Variants in SETD3 observed in about 807,000 individuals in gnomAD.
The protein encoded by SETD3 is SET domain containing 3, actin N3(tau)-histidine methyltransferase.
In SETD3, 19 loss-of-function variants were observed where a neutral mutation model predicts 63.0. The ratio of observed to expected loss-of-function variants is 0.30; its 90% CI spans 0.21 to 0.44. The LOEUF (loss-of-function observed/expected upper bound fraction) is 0.44. SETD3 is among the 20% of genes least tolerant of loss of function. SETD3 has a pLI of 1.00. For missense variants in SETD3, 587 were observed against 728.5 expected (o/e 0.81, Z 2.24); for synonymous variants, 286 against 264.1 (o/e 1.08, Z -0.80).
intron 8 of SETD3, chr14:99,412,330 C>G (rs1892040658): frequency 6.5e-6 from 1 of 153,094 alleles, no homozygotes; most frequent in Non-Finnish European, 1.5e-5. Context: ...CCCAGGCTTC[C>G]CAGGTATGAT....
intron 6 of SETD3, among the ~76,000 whole-genome samples, chr14:99,445,714 C>T (rs958235845): frequency 6.6e-6 from 1 of 152,166 alleles, no homozygotes; most frequent in African/African-American, 2.4e-5. Flanking sequence ...GGAGTGTTCT[C>T]ATAAGGATAC....
At chr14:99,457,002 A>C (rs1894797855) in intron 6 of SETD3, among the ~76,000 whole-genome samples, 1 of 152,226 alleles carries the variant, frequency 6.6e-6, no homozygotes, top group Admixed American at 6.5e-5. Context: ...CAGCAAGAGA[A>C]AATGACAAAT....
chr14:99,416,933 G>C (rs1007521000), intron 6 of SETD3, among the ~76,000 whole-genome samples: 1 of 152,122 alleles, frequency 6.6e-6, no homozygotes, highest in Admixed American at 6.5e-5. Flanking sequence ...TCCATGTTGA[G>C]ACACAGTAAT....
At chr14:99,456,484 A>C (rs1439531384) in intron 6 of SETD3, among the ~76,000 whole-genome samples, 1 of 152,240 alleles carries the variant, frequency 6.6e-6, no homozygotes, top group Non-Finnish European at 1.5e-5. Context: ...ATTATAAATT[A>C]TACAAATTGT....
At chr14:99,426,848 C>G (rs1236056563) in intron 6 of SETD3, among the ~76,000 whole-genome samples, 1 of 152,162 alleles carries the variant, frequency 6.6e-6, no homozygotes, top group Non-Finnish European at 1.5e-5. Flanking sequence ...TCAGGATCAT[C>G]CCAGCCTCCA....
At chr14:99,400,021 G>T in intron 12 of SETD3, 78 bp downstream of exon 12, 2 of 1,341,618 alleles carry the variant, frequency 1.5e-6, no homozygotes, top group Non-Finnish European at 2.0e-6. Context: ...GATTACAGGC[G>T]TGAGCCACCG....
At position 99,480,835 on chromosome 14, in the gene SETD3, G is replaced by T. The variant is rs1475846884; in HGVS notation, c.-116C>A. 1.2e-5 allele frequency: 2 copies of T among 161,716 alleles called. No individual in the cohort carries two copies. The highest frequency in any genetic ancestry group is 1.8e-4 in the South Asian group (1 of 5,472). The allele number at this position is 161,716 out of a possible 1,614,324, so 10.0% of individuals were successfully genotyped here. On this transcript the variant is annotated 5_prime_UTR_variant, in exon 1 of 13. Transcript: ENST00000331768. ...GCGGCGGTGGCGGCGGCGGCGGCCG[G>T]ACGGGAGGGGCGGGACGGCAGCCTG...
chr14:99,413,999 G>T, intron 6 of SETD3, 65 bp from the exon 7 acceptor site: 1 of 1,452,790 alleles, frequency 6.9e-7, no homozygotes, highest in Non-Finnish European at 9.7e-7. Flanking sequence ...AAATCAGTCA[G>T]CAGAATTTCA....
intron 6 of SETD3, among the ~76,000 whole-genome samples, chr14:99,429,152 G>A (rs1184708228): frequency 6.6e-6 from 1 of 152,136 alleles, no homozygotes; most frequent in Non-Finnish European, 1.5e-5. Flanking sequence ...CCTGGGTGCT[G>A]CCTGTGCCTC....
rs1896268119 is a variant in SETD3, at chr14:99,480,802, A to AAGCGGTGGC, written c.-84_-83insGCCACCGCT. ...CCGCCGTCCGCCTCAACCAACCCCC[A>AAGCGGTGGC]GGCGGTGGCGGCGGTGGCGGCGGCG... On this transcript the variant is annotated 5_prime_UTR_variant, in exon 1 of 13. Coordinates refer to ENST00000331768, the MANE Select transcript of SETD3 (RefSeq NM_032233.3). The AAGCGGTGGC allele has an allele frequency of 6.2e-6, 1 of 161,824 alleles. No homozygotes were observed. The highest frequency in any genetic ancestry group is 2.4e-5 in the African/African-American group (1 of 41,238). 10.0% of individuals were successfully genotyped at this position (161,824 alleles called of 1,614,324 possible). A position where few individuals can be genotyped will look rare whatever the true frequency, so the allele number is the denominator to read the frequency against.
Position 99,431,806 on chromosome 14 carries a change from C to T in SETD3, c.676-17872G>A, listed in dbSNP as rs369929539. Among the ~76,000 whole-genome samples, 6 of 152,228 alleles carry T rather than the reference C, an allele frequency of 3.9e-5. No homozygotes were observed. The South Asian group carries it at 1.2e-3, about 32-fold the overall frequency. On this transcript the variant is annotated intron_variant, in intron 6 of 12. Coordinates refer to ENST00000331768, the MANE Select transcript of SETD3 (RefSeq NM_032233.3). Reference sequence around the variant, plus strand: ...TAAAACAAGACCCTAGCGTCTAAACCTAGAGCAACTGATCCCCTTGCCAGG... The same window carrying T: ...TAAAACAAGACCCTAGCGTCTAAACTTAGAGCAACTGATCCCCTTGCCAGG...
chr14:99,479,057 T>C (rs1896123412), intron 1 of SETD3, among the ~76,000 whole-genome samples: 1 of 152,190 alleles, frequency 6.6e-6, no homozygotes, highest in South Asian at 2.1e-4. Context: ...ACATAAGATG[T>C]TCTAATCTTC....
chr14:99,481,741 G>T (rs1476062845), upstream of SETD3: 10 of 364,050 alleles, frequency 2.7e-5, no homozygotes, highest in East Asian at 4.0e-4. Context: ...GCACTGGGGG[G>T]CAGTCAGAGT....
At chr14:99,436,115 A>G (rs2139704133) in intron 6 of SETD3, among the ~76,000 whole-genome samples, 1 of 152,200 alleles carries the variant, frequency 6.6e-6, no homozygotes, top group South Asian at 2.1e-4. Flanking sequence ...TCACTATCAC[A>G]AGAACAACAT....
intron 4 of SETD3, among the ~76,000 whole-genome samples, chr14:99,460,470 C>G (rs1389035096): frequency 6.6e-6 from 1 of 152,106 alleles, no homozygotes; most frequent in Non-Finnish European, 1.5e-5. Context: ...ATGTGGCCTG[C>G]CCCTGCAAAG....
intron 7 of SETD3, among the ~76,000 whole-genome samples, chr14:99,413,471 C>T (rs1459863007): frequency 6.6e-6 from 1 of 152,174 alleles, no homozygotes; most frequent in Non-Finnish European, 1.5e-5. Context: ...ATCAGAAATC[C>T]TCTGTGAATT....
At chr14:99,464,857 A>C (rs931376707) in intron 2 of SETD3, among the ~76,000 whole-genome samples, 7 of 152,248 alleles carry the variant, frequency 4.6e-5, no homozygotes, top group African/African-American at 1.4e-4. Context: ...AAAATCAGAT[A>C]CACAGCCAGG....
At chr14:99,403,431 AC>A (rs1441831780) in intron 11 of SETD3, among the ~76,000 whole-genome samples, 20 of 112,040 alleles carry the variant, frequency 1.8e-4, no homozygotes, top group African/African-American at 8.8e-4. Context: ...AGCAAAACAT[AC>A]ACACACACAC....
At chr14:99,432,898 C>T (rs1044842353) in intron 6 of SETD3, among the ~76,000 whole-genome samples, 6 of 151,832 alleles carry the variant, frequency 4.0e-5, no homozygotes, top group Non-Finnish European at 7.4e-5. Flanking sequence ...GGTGGAGAAC[C>T]GGTGGGCTAA....
Sources: gnomAD v4.1 joint callset for allele counts (sites outside exome capture counted in the v4.1 genomes callset) on GRCh38, gnomAD v4.1.1 for gene constraint, MANE v1.5 for transcripts, NCBI Gene and HGNC (gene_info 2026-07-23, HGNC 2026-07-21) for gene names.